Variants in ZC3H3 observed in about 807,000 individuals in gnomAD.
ZC3H3 encodes zinc finger CCCH-type containing 3.
In ZC3H3, 36 loss-of-function variants were observed where a neutral mutation model predicts 77.3. The observed-to-expected ratio is 0.47, with a 90% CI of 0.36 to 0.61. ZC3H3 has a LOEUF of 0.61. Ranked by LOEUF, ZC3H3 falls within the 20% of genes least tolerant of loss-of-function variation. The probability of loss-of-function intolerance (pLI) is 0.00; values close to 1 mark genes in which losing one functional copy is unlikely to be tolerated. For synonymous variants in ZC3H3, 626 were observed against 555.2 expected, an observed-to-expected ratio of 1.13 and a Z score of -1.79; for missense variants, 1,331 against 1,312.2, an observed-to-expected ratio of 1.01 and a Z score of -0.22.
chr8:143,482,924 C>T (rs533335672), intron 4 of ZC3H3, among the ~76,000 whole-genome samples: 1 of 152,192 alleles, frequency 6.6e-6, no homozygotes, highest in Non-Finnish European at 1.5e-5. Context: ...CACGGGGACA[C>T]GACCTCAGGG....
intron 4 of ZC3H3, among the ~76,000 whole-genome samples, chr8:143,489,782 G>A (rs1201921500): frequency 4.6e-5 from 7 of 152,288 alleles, no homozygotes; most frequent in Admixed American, 2.0e-4. Context: ...TAAATCAAGC[G>A]CCTTGCCAAT....
At chr8:143,447,004 G>A (rs901758) in intron 9 of ZC3H3, among the ~76,000 whole-genome samples, 67,177 of 152,182 alleles carry the variant, frequency 0.44, 15,571 homozygotes, top group African/African-American at 0.58. Context: ...AGACTCTTCC[G>A]GCCTGTGCTT....
chr8:143,461,670 G>A (rs1820267321), intron 9 of ZC3H3, among the ~76,000 whole-genome samples: 1 of 152,190 alleles, frequency 6.6e-6, no homozygotes, highest in South Asian at 2.1e-4. Flanking sequence ...AACGGGTGCA[G>A]CGCTGAGGTG....
At chr8:143,515,738 C>A (rs1346418253) in intron 3 of ZC3H3, among the ~76,000 whole-genome samples, 1 of 152,264 alleles carries the variant, frequency 6.6e-6, no homozygotes, top group Non-Finnish European at 1.5e-5. Context: ...GAGGAAGACA[C>A]CAGCCCACGA....
chr8:143,443,958 T>A (rs894632522), intron 9 of ZC3H3, among the ~76,000 whole-genome samples: 3 of 148,746 alleles, frequency 2.0e-5, no homozygotes, highest in African/African-American at 7.4e-5. Context: ...GGGTTTTACT[T>A]GTAGTTCTTT....
intron 4 of ZC3H3, among the ~76,000 whole-genome samples, chr8:143,504,452 T>C (rs1821627110): frequency 6.6e-6 from 1 of 152,158 alleles, no homozygotes; most frequent in South Asian, 2.1e-4. Flanking sequence ...GTCCCCACCT[T>C]GGGCAGGGCC....
intron 5 of ZC3H3, among the ~76,000 whole-genome samples, chr8:143,473,830 C>T (rs367879535): frequency 2.0e-5 from 3 of 152,208 alleles, no homozygotes; most frequent in African/African-American, 7.2e-5. Context: ...TGGTGGACGG[C>T]CACAGGCGCC....
intron 4 of ZC3H3, among the ~76,000 whole-genome samples, chr8:143,506,319 G>A (rs1821694903): frequency 6.6e-6 from 1 of 152,254 alleles, no homozygotes; most frequent in African/African-American, 2.4e-5. Flanking sequence ...CGGGAAGCAG[G>A]AGCGGAGAAT....
chr8:143,440,804 T>C (rs988984098), intron 10 of ZC3H3, 132 bp downstream of exon 10: 115 of 1,051,044 alleles, frequency 1.1e-4, no homozygotes, highest in Middle Eastern at 3.3e-4. Context: ...CAGCCTTGGA[T>C]AGGGATTTCT....
At chr8:143,485,430 C>T (rs1323548326) in intron 4 of ZC3H3, among the ~76,000 whole-genome samples, 21 of 152,122 alleles carry the variant, frequency 1.4e-4, no homozygotes, top group Admixed American at 5.9e-4. Context: ...TCTGCTCACC[C>T]GAGTGACGCA....
chr8:143,538,674 T>A lies in ZC3H3; in HGVS notation c.693A>T (p.Pro231=). ...ESVIAVKASF[P]SSALPPRTGV... is the part of the protein sequence containing the mutation. Reference sequence around the variant, plus strand: ...CAGTGCGTGGGGGCAGAGCGGAGGATGGGAAGCTCGCCTTGACGGCAATCA... The same window carrying A: ...CAGTGCGTGGGGGCAGAGCGGAGGAAGGGAAGCTCGCCTTGACGGCAATCA... The change falls in exon 2 of 12, where the codon CCA becomes CCT. Residue 231 remains proline, a synonymous_variant. Coordinates refer to ENST00000262577, the MANE Select transcript of ZC3H3 (RefSeq NM_015117.3). 1 of 1,608,330 alleles carries A rather than the reference T, an allele frequency of 6.2e-7. No individual in the cohort carries two copies. The highest frequency in any genetic ancestry group is 1.1e-5 in the South Asian group (1 of 91,070).
chr8:143,475,906 A>G (rs1334318220), intron 4 of ZC3H3, among the ~76,000 whole-genome samples: 1 of 152,154 alleles, frequency 6.6e-6, no homozygotes, highest in Non-Finnish European at 1.5e-5. Context: ...CCACGGTGAG[A>G]GGGCAGCGTC....
chr8:143,469,777 G>A (rs891738446), intron 5 of ZC3H3, among the ~76,000 whole-genome samples: 5 of 152,170 alleles, frequency 3.3e-5, no homozygotes, highest in African/African-American at 1.2e-4. Context: ...ATCACGGGGT[G>A]GGCAGGGCAG....
At chr8:143,441,959 G>A (rs1215847349) in intron 9 of ZC3H3, among the ~76,000 whole-genome samples, 2 of 152,202 alleles carry the variant, frequency 1.3e-5, no homozygotes, top group African/African-American at 4.8e-5. Flanking sequence ...AATGTGAACT[G>A]TGACAAGCTC....
rs1417687532 is a variant in ZC3H3 at position 143,460,795 on chromosome 8, G to C, written c.2307+4922C>G. ...AGATGCCAGACACCAAAGGACAGAT[G>C]CTGGATGATTCCACTGACGGGACAC... is the stretch of plus-strand genomic sequence containing the variant. On this transcript the variant is annotated intron_variant, in intron 9 of 11. Coordinates refer to ENST00000262577, the MANE Select transcript of ZC3H3 (RefSeq NM_015117.3). The surrounding 1 kb of genome is among the most constrained non-coding windows in gnomAD (Gnocchi z 4.0). Among the ~76,000 whole-genome samples the C allele has an allele frequency of 2.0e-5, 3 of 152,158 alleles. No homozygotes were observed. Among genetic ancestry groups the C allele is most frequent in the Admixed American group, 2.0e-4 (3 of 15,270 alleles).
At position 143,478,283 on chromosome 8, in the gene ZC3H3, G is replaced by A. The variant is rs1046721776; in HGVS notation, c.1716-2698C>T. Among the ~76,000 whole-genome samples, 10 of 152,322 alleles carry A rather than the reference G, an allele frequency of 6.6e-5. 1 individual carries two copies. In the South Asian group the frequency reaches 8.3e-4, roughly 13 times the overall value. On this transcript the variant is annotated intron_variant, in intron 4 of 11. Transcript: ENST00000262577. ...ACTGTGTGGCTCTCCAAAGGCACCC[G>A]GATGGAGGGCGAGGCCCGGGCTGCA... is the stretch of plus-strand genomic sequence containing the variant.
chr8:143,458,847 G>A lies in ZC3H3; in HGVS notation c.2307+6870C>T, dbSNP rs568133388. ...ACTTGAGCCCAGGACACAGCTGGGC[G>A]CAGTGGCTCATGCCTGTAACCCCAG... On this transcript the variant is annotated intron_variant, in intron 9 of 11. Transcript: ENST00000262577. 5.4e-5 allele frequency among the ~76,000 whole-genome samples: 8 copies of A among 149,452 alleles called. No homozygotes were observed. In the South Asian group the frequency reaches 6.4e-4, roughly 12 times the overall value.
chr8:143,491,779 C>T (rs750813614), intron 4 of ZC3H3, among the ~76,000 whole-genome samples: 3 of 152,174 alleles, frequency 2.0e-5, no homozygotes, highest in African/African-American at 7.2e-5. Flanking sequence ...GCTGTGGGGC[C>T]GGGTGCAGGG....
intron 5 of ZC3H3, among the ~76,000 whole-genome samples, chr8:143,470,040 G>A (rs1820520598): frequency 6.6e-6 from 1 of 152,172 alleles, no homozygotes. Context: ...GAGCAGCCTC[G>A]TCCTCACTCT....
Sources: gnomAD v4.1 joint callset for allele counts (sites outside exome capture counted in the v4.1 genomes callset) on GRCh38, gnomAD v4.1.1 for gene constraint, Gnocchi (gnomAD v3.1) non-coding constraint, MANE v1.5 for transcripts, NCBI Gene and HGNC (gene_info 2026-07-23, HGNC 2026-07-21) for gene names.